The following PRKCQ variants were observed in gnomAD, a reference collection of about 807,000 sequenced individuals.
PRKCQ encodes the protein protein kinase C theta type.
A neutral mutation model predicts 91.2 loss-of-function variants in PRKCQ; 41 were observed. The ratio of observed to expected loss-of-function variants is 0.45; its 90% confidence interval spans 0.35 to 0.58. PRKCQ has a LOEUF of 0.58. PRKCQ is among the 20% of genes least tolerant of loss of function. PRKCQ has a pLI of 0.00. For synonymous variants in PRKCQ, 307 were observed against 316.9 expected, an observed-to-expected ratio of 0.97 and a Z score of 0.33; for missense variants, 673 against 896.5, an observed-to-expected ratio of 0.75 and a Z score of 3.18.
intron 1 of PRKCQ, among the ~76,000 whole-genome samples, chr10:6,524,567 T>C (rs558506386): frequency 1.1e-4 from 16 of 152,360 alleles, no homozygotes; most frequent in African/African-American, 3.4e-4. Flanking sequence ...ATAGAATTAA[T>C]AGCTCAGATG....
rs544484492 is a variant in PRKCQ at position 6,485,180 on chromosome 10, C to A, written c.990G>T (p.Pro330=). Residue 330 remains proline (P), a synonymous_variant, in exon 10 of 18, where the codon CCG becomes CCT. Coordinates refer to ENST00000263125, the MANE Select transcript of PRKCQ (RefSeq NM_006257.5). The part of the protein sequence containing the change: ...LPCSIKNEAR[P]PCLPTPGKRE... ...TTTTTCCCGGTGTCGGTAAACATGG[C>A]GGCCTTGCTTCATTTTTGATGGAGC... 1.7e-5 allele frequency: 28 copies of A among 1,613,892 alleles called. No homozygotes were observed. In the East Asian group the frequency reaches 3.6e-4, roughly 21 times the overall value.
intron 1 of PRKCQ, among the ~76,000 whole-genome samples, chr10:6,556,711 C>G (rs1302445540): frequency 6.6e-6 from 1 of 151,958 alleles, no homozygotes; most frequent in Non-Finnish European, 1.5e-5. Flanking sequence ...ATTATGTAAG[C>G]ATTTGATTTA....
the PRKCQ span, among the ~76,000 whole-genome samples, chr10:6,398,123 T>A: frequency 6.6e-6 from 1 of 152,248 alleles, no homozygotes; most frequent in Non-Finnish European, 1.5e-5. Context: ...TTAGCATCAT[T>A]TGTTGAAAAT....
chr10:6,472,948 A>G (rs1487198027), intron 12 of PRKCQ, among the ~76,000 whole-genome samples: 1 of 152,192 alleles, frequency 6.6e-6, no homozygotes, highest in Non-Finnish European at 1.5e-5. Context: ...CCTGACCCCA[A>G]GGTGATCCAC....
the PRKCQ span, among the ~76,000 whole-genome samples, chr10:6,421,307 A>T: frequency 6.6e-6 from 1 of 152,136 alleles, no homozygotes; most frequent in East Asian, 1.9e-4. This position sits in a 1 kb window ranked among gnomAD's most constrained non-coding sequence, Gnocchi z 4.1. Context: ...TAACAAAGTG[A>T]GACCCTGTCT....
chr10:6,400,825 C>T, the PRKCQ span, among the ~76,000 whole-genome samples: 3 of 151,480 alleles, frequency 2.0e-5, no homozygotes, highest in East Asian at 1.9e-4. Context: ...CTAGCCTGGG[C>T]GACATAGAAA....
chr10:6,486,979 G>A (rs1836963459), intron 8 of PRKCQ, among the ~76,000 whole-genome samples: 1 of 152,166 alleles, frequency 6.6e-6, no homozygotes, highest in Non-Finnish European at 1.5e-5. Flanking sequence ...CAGGCATGAG[G>A]ACCTCAGCTT....
intron 1 of PRKCQ, among the ~76,000 whole-genome samples, chr10:6,574,658 G>A (rs1254807572): frequency 6.6e-6 from 1 of 152,200 alleles, no homozygotes; most frequent in African/African-American, 2.4e-5. Context: ...CAAATGGAGA[G>A]AATGACACTC....
intron 1 of PRKCQ, among the ~76,000 whole-genome samples, chr10:6,573,252 T>C (rs1464259512): frequency 1.3e-5 from 2 of 152,200 alleles, no homozygotes; most frequent in East Asian, 1.9e-4. Flanking sequence ...CTAAAACATA[T>C]CAGTGAAAAC....
At chr10:6,468,863 C>T (rs889228929) in intron 12 of PRKCQ, among the ~76,000 whole-genome samples, 1 of 152,160 alleles carries the variant, frequency 6.6e-6, no homozygotes, top group Non-Finnish European at 1.5e-5. Context: ...AGATAGAATT[C>T]AACTCTTCTT....
intron 15 of PRKCQ, among the ~76,000 whole-genome samples, chr10:6,444,736 G>T (rs1834161999): frequency 6.6e-6 from 1 of 151,848 alleles, no homozygotes; most frequent in African/African-American, 2.4e-5. Context: ...GCACGCAGAA[G>T]GTATTTTTTT....
At chr10:6,482,770 A>T (rs1031758763) in intron 11 of PRKCQ, among the ~76,000 whole-genome samples, 2 of 152,144 alleles carry the variant, frequency 1.3e-5, no homozygotes, top group Non-Finnish European at 2.9e-5. Flanking sequence ...AAGACAAAGG[A>T]AGAGCAAAGG....
At chr10:6,485,974 G>A (rs1207501151) in intron 9 of PRKCQ, 61 bp downstream of exon 9, 5 of 1,399,732 alleles carry the variant, frequency 3.6e-6, no homozygotes, top group Middle Eastern at 2.4e-4. Flanking sequence ...AGCAGCAGAA[G>A]TGCATGGACA....
chr10:6,579,795 T>C (rs2130994705), intron 1 of PRKCQ, among the ~76,000 whole-genome samples: 1 of 150,486 alleles, frequency 6.6e-6, no homozygotes, highest in East Asian at 2.0e-4. Context: ...TATGCTCCCC[T>C]GTGGACAGGA....
intron 1 of PRKCQ, among the ~76,000 whole-genome samples, chr10:6,555,507 T>C (rs1265085542): frequency 6.6e-6 from 1 of 152,214 alleles, no homozygotes; most frequent in Non-Finnish European, 1.5e-5. Context: ...CACAATTCTG[T>C]GCTATCATTT....
chr10:6,488,791 T>C (rs185359361), intron 8 of PRKCQ, among the ~76,000 whole-genome samples: 2 of 152,288 alleles, frequency 1.3e-5, no homozygotes, highest in African/African-American at 4.8e-5. Context: ...GTTGTGTTGT[T>C]GTTCTTGAGA....
intron 1 of PRKCQ, among the ~76,000 whole-genome samples, chr10:6,530,606 G>T (rs1036892818): frequency 7.9e-5 from 12 of 152,176 alleles, no homozygotes; most frequent in African/African-American, 2.4e-4. Context: ...CGGGGGAAGA[G>T]AAAGAAAGTG....
At chr10:6,427,090 AC>A (rs1463906068), downstream of PRKCQ, 1 of 152,126 alleles carries the variant, frequency 6.6e-6, no homozygotes, top group African/African-American at 2.4e-5. Context: ...GAGGACTGAC[AC>A]AGCAGAAGCA....
At chr10:6,419,880 G>T in the PRKCQ span, among the ~76,000 whole-genome samples, 20 of 152,056 alleles carry the variant, frequency 1.3e-4, no homozygotes, top group South Asian at 3.9e-3. Context: ...GTAGAGACGG[G>T]GTTTCGCCAT....
Sources: gnomAD v4.1 joint callset for allele counts (sites outside exome capture counted in the v4.1 genomes callset) on GRCh38, gnomAD v4.1.1 for gene constraint, Gnocchi (gnomAD v3.1) non-coding constraint, MANE v1.5 for transcripts, NCBI Gene and HGNC (gene_info 2026-07-23, HGNC 2026-07-21) for gene names.